The following GTPBP8 variants were observed in gnomAD, a reference collection of about 807,000 sequenced individuals.
The protein encoded by GTPBP8 is GTP-binding protein 8.
In GTPBP8, 21 loss-of-function variants were observed where a neutral mutation model predicts 27.3. The observed-to-expected ratio is 0.77, with a 90% CI of 0.55 to 1.11. The LOEUF (loss-of-function observed/expected upper bound fraction) is 1.11. Ranked by LOEUF, GTPBP8 falls within the 50% of genes least tolerant of loss-of-function variation. The pLI is 0.00. For synonymous variants in GTPBP8, 147 were observed against 135.3 expected (o/e 1.09, Z -0.60); for missense variants, 380 against 350.8 (o/e 1.08, Z -0.67).
At chr3:112,997,484 T>C (rs1933808328) in intron 4 of GTPBP8, among the ~76,000 whole-genome samples, 1 of 152,224 alleles carries the variant, frequency 6.6e-6, no homozygotes, top group Non-Finnish European at 1.5e-5. Context: ...AAATTTCTTC[T>C]GGGAATTTCT....
At chr3:112,997,818 A>G (rs1026474338) in intron 4 of GTPBP8, among the ~76,000 whole-genome samples, 4 of 152,238 alleles carry the variant, frequency 2.6e-5, no homozygotes, top group African/African-American at 9.6e-5. Flanking sequence ...AAGGATTGAT[A>G]GTCTGCCTAG....
intron 2 of GTPBP8, among the ~76,000 whole-genome samples, chr3:112,994,316 G>A (rs534145782): frequency 8.6e-5 from 13 of 151,954 alleles, no homozygotes; most frequent in Non-Finnish European, 1.6e-4. Flanking sequence ...CCAGCTAATC[G>A]GGAGGCTGAG....
At chr3:112,991,869 C>T in intron 1 of GTPBP8, 1 of 251,512 alleles carries the variant, frequency 4.0e-6, no homozygotes, top group South Asian at 4.1e-5. Flanking sequence ...AAATAATAAT[C>T]TCTAGATGGC....
At chr3:112,998,477 T>C (rs752173052) in intron 4 of GTPBP8, among the ~76,000 whole-genome samples, 1 of 152,126 alleles carries the variant, frequency 6.6e-6, no homozygotes, top group Non-Finnish European at 1.5e-5. Flanking sequence ...AACCTACCTG[T>C]GTTCAGCTAT....
chr3:112,994,423 C>CAA (rs57931589), intron 2 of GTPBP8, among the ~76,000 whole-genome samples: 12 of 108,508 alleles, frequency 1.1e-4, no homozygotes, highest in Middle Eastern at 5.9e-3. Flanking sequence ...AACTCTGTCT[C>CAA]AAAAAAAAAA....
In GTPBP8 at chr3:112,991,201, C is replaced by G. The variant is rs150357969; in HGVS notation, c.202C>G (p.Leu68Val). Residue 68 changes from leucine (L) to valine (V), a missense_variant, in exon 1 of 6, where the codon CTG (leucine) becomes GTG (valine). Physicochemically the swap from Leu to Val is conservative, Grantham distance 32. Transcript: ENST00000383678. ...CCCCTACGGGAGGCAAGACCTTCACCTGCGTATCTTTGACCCAAGCCCGGA... is the reference window on the plus strand; with the variant it reads ...CCCCTACGGGAGGCAAGACCTTCACGTGCGTATCTTTGACCCAAGCCCGGA... The part of the protein sequence containing the change: ...LAPYGRQDLH[L>V]RIFDPSPEDI... The G allele has an allele frequency of 2.8e-3, 4,479 of 1,614,188 alleles. 11 individuals carry two copies. The highest frequency in any genetic ancestry group is 3.2e-3 in the Non-Finnish European group (3,720 of 1,180,028).
In GTPBP8 at chr3:112,991,083, C is replaced by A. The variant is rs757462629; in HGVS notation, c.84C>A (p.Ser28Arg). ...TAGAGCGACTGAGCCGCTATAATAG[C>A]ACGTCCCAAGCTTTTGCTGAGGTGC... ...AVLERLSRYN[S>R]TSQAFAEVLR... is the part of the protein sequence containing the mutation. Residue 28 changes from serine (S) to arginine (R), a missense_variant, in exon 1 of 6, where the codon AGC becomes AGA. Ser to Arg is a moderately radical substitution (Grantham distance 110). Transcript: ENST00000383678. 6.2e-7 allele frequency: 1 copy of A among 1,614,058 alleles called. No homozygotes were observed. Among genetic ancestry groups the A allele is most frequent in the South Asian group, 1.1e-5 (1 of 91,086 alleles).
At position 112,996,958 on chromosome 3, in the gene GTPBP8, A is replaced by G; in HGVS notation, c.633A>G (p.Ile211Met). 6.4e-7 allele frequency: 1 copy of G among 1,569,796 alleles called. No homozygotes were observed. Among genetic ancestry groups the G allele is most frequent in the Non-Finnish European group, 8.8e-7 (1 of 1,141,324 alleles). The change falls in exon 4 of 6, where the codon ATA becomes ATG. Residue 211 changes from isoleucine to methionine, a missense_variant. Ile to Met is a conservative substitution (Grantham distance 10, BLOSUM62 1). Coordinates refer to ENST00000383678, the MANE Select transcript of GTPBP8 (RefSeq NM_014170.4). The part of the protein sequence containing the change: ...VGIQKTDNIA[I>M]EMCEEFALPY... ...TTCAAAAAACAGACAATATTGCCAT[A>G]GAAATGTGTGAAGAATTTGCATTAC...
At chr3:112,996,826 G>C in intron 3 of GTPBP8, 66 bp from the exon 4 acceptor site, 1 of 761,980 alleles carries the variant, frequency 1.3e-6, no homozygotes, top group Non-Finnish European at 2.4e-6. Flanking sequence ...GTACAGTAAG[G>C]AAGAGGGGAT....
intron 3 of GTPBP8, 87 bp downstream of exon 3, chr3:112,995,352 T>C: frequency 1.3e-6 from 1 of 788,412 alleles, no homozygotes; most frequent in Non-Finnish European, 2.0e-6. Context: ...TGATTAACAC[T>C]TCAGTTTTAT....
At chr3:112,994,286 G>A (rs941742869) in intron 2 of GTPBP8, among the ~76,000 whole-genome samples, 1 of 152,050 alleles carries the variant, frequency 6.6e-6, no homozygotes, top group Non-Finnish European at 1.5e-5. Flanking sequence ...AGCCAGGCGC[G>A]GTGGTGCATT....
In GTPBP8 at chr3:112,991,321, C is replaced by A. The variant is rs750102621; in HGVS notation, c.322C>A (p.Leu108Ile). ...CGTCCGTATCGACCACGCCCCGGACCTTCCGCGGCCAGAGGTGAGAGGCGA... is the reference window on the plus strand; with the variant it reads ...CGTCCGTATCGACCACGCCCCGGACATTCCGCGGCCAGAGGTGAGAGGCGA... ...SAVRIDHAPD[L>I]PRPEVCFIGR... is the part of the protein sequence containing the mutation. Residue 108 changes from leucine (L) to isoleucine (I), a missense_variant, in exon 1 of 6, where the codon CTT becomes ATT. Transcript: ENST00000383678. 3.1e-6 allele frequency: 5 copies of A among 1,613,528 alleles called. No individual in the cohort carries two copies. The highest frequency in any genetic ancestry group is 1.7e-4 in the Middle Eastern group (1 of 6,060).
At chr3:112,994,908 A>ATAAG (rs1933754925) in intron 2 of GTPBP8, among the ~76,000 whole-genome samples, 1 of 152,244 alleles carries the variant, frequency 6.6e-6, no homozygotes. Flanking sequence ...GTTCTTCTTA[A>ATAAG]GTCATACAGA....
intron 2 of GTPBP8, among the ~76,000 whole-genome samples, chr3:112,993,615 C>T (rs1933727488): frequency 6.6e-6 from 1 of 152,186 alleles, no homozygotes; most frequent in Non-Finnish European, 1.5e-5. Context: ...CCTCTACTTT[C>T]TTCTCAACGA....
At chr3:113,000,098 C>T (rs1933863270) in intron 5 of GTPBP8, among the ~76,000 whole-genome samples, 1 of 152,116 alleles carries the variant, frequency 6.6e-6, no homozygotes, top group Admixed American at 6.6e-5. Context: ...AAACTAGAGA[C>T]ATTTGAAGGC....
intron 2 of GTPBP8, among the ~76,000 whole-genome samples, chr3:112,993,874 C>T (rs910581471): frequency 1.6e-4 from 25 of 152,194 alleles, no homozygotes; most frequent in African/African-American, 6.0e-4. Flanking sequence ...CTTCCCATTA[C>T]TTAACCCTCC....
intron 3 of GTPBP8, among the ~76,000 whole-genome samples, chr3:112,995,545 A>AT (rs559163992): frequency 1.2e-3 from 173 of 141,146 alleles, no homozygotes; most frequent in Middle Eastern, 3.6e-3. Context: ...TTTTTTTTTC[A>AT]TTTTTTTTTT....
intron 1 of GTPBP8, chr3:112,991,613 A>G: frequency 1.6e-6 from 1 of 634,878 alleles, no homozygotes; most frequent in Non-Finnish European, 2.9e-6. Context: ...GCCTGTATAC[A>G]GCTTAAATTA....
At chr3:112,991,508 C>T (rs1187656239) in intron 1 of GTPBP8, 173 bp downstream of exon 1, 3 of 721,958 alleles carry the variant, frequency 4.2e-6, no homozygotes, top group Non-Finnish European at 7.5e-6. Flanking sequence ...TGGGGATACC[C>T]GAGAAACCCA....
Sources: allele counts gnomAD v4.1 joint callset (sites outside exome capture counted in the v4.1 genomes callset), GRCh38; gene constraint gnomAD v4.1.1; transcripts MANE v1.5; gene names NCBI Gene and HGNC (gene_info 2026-07-23, HGNC 2026-07-21).